The following PARVB variants were observed in gnomAD, a reference collection of about 807,000 sequenced individuals.
PARVB encodes beta-parvin.
Under a neutral mutation model 47.0 loss-of-function variants are expected in PARVB, and 46 were observed. That is an observed-to-expected ratio of 0.98 (90% confidence interval 0.77 to 1.25). PARVB has a LOEUF of 1.25. PARVB is among the 50% of genes most tolerant of loss of function. PARVB has a pLI of 0.00. For synonymous variants in PARVB, 196 were observed against 196.3 expected (o/e 1.00, Z 0.01); for missense variants, 473 against 471.6 (o/e 1.00, Z -0.03).
intron 2 of PARVB, among the ~76,000 whole-genome samples, chr22:44,007,551 G>C (rs1393118871): frequency 6.6e-6 from 1 of 152,128 alleles, no homozygotes; most frequent in Admixed American, 6.5e-5. Context: ...CCTTCCTGTA[G>C]ATTCCTCTTC....
chr22:44,097,388 C>T (rs1335959861), intron 2 of PARVB, among the ~76,000 whole-genome samples: 4 of 152,120 alleles, frequency 2.6e-5, no homozygotes, highest in Middle Eastern at 3.2e-3. Flanking sequence ...CTCTAGGCCG[C>T]GTGAGCAGCC....
At chr22:44,071,248 C>T (rs986344940) in intron 1 of PARVB, among the ~76,000 whole-genome samples, 1 of 152,128 alleles carries the variant, frequency 6.6e-6, no homozygotes, top group African/African-American at 2.4e-5. Context: ...ACCTCCTTGA[C>T]CTTTGCTTGA....
rs1157259128 is a variant in PARVB at position 44,125,479 on chromosome 22, G to A, written c.377-6008G>A. Among the ~76,000 whole-genome samples, 1 of 152,152 alleles carries A rather than the reference G, an allele frequency of 6.6e-6. No homozygotes were observed. On this transcript the variant is annotated intron_variant, in intron 4 of 12. Transcript: ENST00000338758. This position sits in a 1 kb window ranked among gnomAD's most constrained non-coding sequence, Gnocchi z 4.1. ...TTATGGGGTACAGTGGTGGGTGGGG[G>A]TTGGGGAAGGCAATCCAGGGAAGCT...
intron 2 of PARVB, among the ~76,000 whole-genome samples, chr22:44,097,005 G>A (rs1445345626): frequency 6.6e-6 from 1 of 152,082 alleles, no homozygotes; most frequent in Middle Eastern, 3.2e-3. Flanking sequence ...AGCGCTTGCT[G>A]TACCCACTGT....
intron 2 of PARVB, among the ~76,000 whole-genome samples, chr22:44,014,293 A>G (rs5764058): frequency 0.84 from 127,405 of 152,250 alleles, 53,811 homozygotes; most frequent in African/African-American, 0.94. Flanking sequence ...CACAGAGTGC[A>G]TGCAGCACCA....
rs199879976 is a variant in PARVB at position 44,124,074 on chromosome 22, GTTGA to G, written c.376+4937_376+4940del. ...GGTGACTGGCACATGACAAATATTTGTTGATTAAGTCAATGAAAGAATTCCTGCA... is the reference window on the plus strand; with the variant it reads ...GGTGACTGGCACATGACAAATATTTGTTAAGTCAATGAAAGAATTCCTGCA... On this transcript the variant is annotated intron_variant, in intron 4 of 12. Transcript: ENST00000338758. 4.1e-3 allele frequency among the ~76,000 whole-genome samples: 617 copies of G among 152,286 alleles called. 5 individuals carry two copies. The highest frequency in any genetic ancestry group is 0.013 in the African/African-American group (555 of 41,560).
At chr22:44,047,338 G>A (rs1735009314) in intron 1 of PARVB, among the ~76,000 whole-genome samples, 1 of 152,152 alleles carries the variant, frequency 6.6e-6, no homozygotes. Flanking sequence ...ATTATTTTAA[G>A]CAAAACACAT....
intron 2 of PARVB, among the ~76,000 whole-genome samples, chr22:44,099,040 C>T (rs2052377631): frequency 6.6e-6 from 1 of 152,240 alleles, no homozygotes; most frequent in Admixed American, 6.5e-5. Context: ...CCTGTCTGGG[C>T]TCTGGGACCC....
chr22:44,118,914 T>C (rs1218669888), intron 3 of PARVB, 124 bp from the exon 4 acceptor site: 15 of 708,766 alleles, frequency 2.1e-5, no homozygotes, highest in Non-Finnish European at 3.8e-5. Flanking sequence ...TCTGTCCCTG[T>C]ACTTGCTGTG....
intron 10 of PARVB, among the ~76,000 whole-genome samples, chr22:44,156,429 A>ATG (rs1360492927): frequency 6.6e-6 from 1 of 151,670 alleles, no homozygotes; most frequent in African/African-American, 2.4e-5. Flanking sequence ...ACAGGCATGC[A>ATG]CCACCACACC....
At chr22:44,144,716 AC>A (rs1839468252) in intron 8 of PARVB, 1 of 151,998 alleles carries the variant, frequency 6.6e-6, no homozygotes, top group Non-Finnish European at 1.5e-5. Context: ...AATTGCTTGA[AC>A]CCGGGAGGCA....
chr22:44,131,750 T>C, intron 5 of PARVB, 123 bp downstream of exon 5: 1 of 1,013,994 alleles, frequency 9.9e-7, no homozygotes, highest in Non-Finnish European at 1.4e-6. Context: ...TAAAATTGGG[T>C]TCATCTCCCT....
At chr22:44,165,124 C>T (rs2054139052) in intron 12 of PARVB, among the ~76,000 whole-genome samples, 1 of 152,200 alleles carries the variant, frequency 6.6e-6, no homozygotes, top group South Asian at 2.1e-4. Context: ...TGTCGAGTAA[C>T]TGGGACTAAG....
chr22:44,109,033 C>T (rs1047832340), intron 3 of PARVB: 3 of 152,112 alleles, frequency 2.0e-5, no homozygotes, highest in Admixed American at 6.5e-5. Context: ...TTTCACATCT[C>T]ATTCCCCGGT....
At chr22:44,073,758 C>A (rs1349744400) in intron 1 of PARVB, among the ~76,000 whole-genome samples, 1 of 152,228 alleles carries the variant, frequency 6.6e-6, no homozygotes. Flanking sequence ...AAGGGAGAAG[C>A]AGGTAGGCCA....
chr22:44,031,690 G>A (rs2050829492), intron 1 of PARVB, among the ~76,000 whole-genome samples: 1 of 151,914 alleles, frequency 6.6e-6, no homozygotes, highest in African/African-American at 2.4e-5. Flanking sequence ...CCACCGCTGT[G>A]GAATTAATAT....
chr22:44,040,765 C>T (rs1051696210), intron 1 of PARVB, among the ~76,000 whole-genome samples: 1 of 152,064 alleles, frequency 6.6e-6, no homozygotes, highest in African/African-American at 2.4e-5. Context: ...CCTGTAATCC[C>T]AGCACTTTGG....
chr22:44,044,335 C>T (rs992715569), intron 1 of PARVB, among the ~76,000 whole-genome samples: 5 of 151,852 alleles, frequency 3.3e-5, no homozygotes, highest in African/African-American at 1.2e-4. Context: ...GGACTACAGG[C>T]ACCCGCCACA....
chr22:44,147,966 C>T (rs774919313), intron 9 of PARVB, 44 bp downstream of exon 9: 82 of 1,541,148 alleles, frequency 5.3e-5, no homozygotes, highest in Non-Finnish European at 6.4e-5. Context: ...CCCTGGCTCG[C>T]GGCTTTTTGA....
Sources: gnomAD v4.1 joint callset for allele counts (sites outside exome capture counted in the v4.1 genomes callset) on GRCh38, gnomAD v4.1.1 for gene constraint, Gnocchi (gnomAD v3.1) non-coding constraint, MANE v1.5 for transcripts, NCBI Gene and HGNC (gene_info 2026-07-23, HGNC 2026-07-21) for gene names.